Variants in PLXNA3 observed in about 807,000 individuals in gnomAD.
PLXNA3 encodes plexin A3, also known as plexin-A3.
Under a neutral mutation model 118.8 loss-of-function variants are expected in PLXNA3, and 52 were observed. The observed-to-expected ratio is 0.44, with a 90% CI of 0.35 to 0.55. The LOEUF (loss-of-function observed/expected upper bound fraction) is 0.55, where lower values mean the gene tolerates loss of function less well. PLXNA3 is among the 20% of genes least tolerant of loss of function. PLXNA3 has a pLI of 0.01. For synonymous variants in PLXNA3, 925 were observed against 762.4 expected (o/e 1.21, Z -3.51); for missense variants, 1,660 against 1,730.8 (o/e 0.96, Z 0.73).
rs782111549 is a variant in PLXNA3, at chrX:154,464,279, C to T, written c.1794C>T (p.Ser598=). The change falls in exon 8 of 33, where the codon TCC becomes TCT. Residue 598 remains serine, a synonymous_variant. Transcript: ENST00000369682. ...PSGELLCPSP[S]LQELRALTRG... ...GTGAACTGCTCTGCCCCTCACCCTC[C>T]CTCCAGGAGCTCCGAGCTCTTACCA... 1.6e-5 allele frequency: 19 copies of T among 1,208,401 alleles called. No homozygotes were observed. In the South Asian group the frequency reaches 3.3e-4, roughly 21 times the overall value.
chrX:154,458,327 C>CGCGGGGCGAGGCCGTGGGGACGTGCGA lies in PLXNA3; in HGVS notation c.-121_-95dup, dbSNP rs1458082034. 4.6e-5 allele frequency: 5 copies of CGCGGGGCGAGGCCGTGGGGACGTGCGA among 109,152 alleles called. No homozygotes were observed. The highest frequency in any genetic ancestry group is 1.3e-4 in the African/African-American group (4 of 30,281). The allele number at this position is 109,152 out of a possible 1,213,427, so 9.0% of individuals were successfully genotyped here. A position where few individuals can be genotyped will look rare whatever the true frequency, so the allele number is the denominator to read the frequency against. On this transcript the variant is annotated 5_prime_UTR_variant, in exon 1 of 33. Coordinates refer to ENST00000369682, the MANE Select transcript of PLXNA3 (RefSeq NM_017514.5). ...GCGGCTGCGCGCTTGGGGCCCGGGGCGCGGGGCGAGGCCGTGGGGACGTGC... is the reference window on the plus strand; with the variant it reads ...GCGGCTGCGCGCTTGGGGCCCGGGGCGCGGGGCGAGGCCGTGGGGACGTGCGAGCGGGGCGAGGCCGTGGGGACGTGC...
rs371637463 is a variant in PLXNA3 at position 154,460,338 on chromosome X, G to A, written c.155G>A (p.Arg52Gln). The A allele has an allele frequency of 8.3e-6, 10 of 1,209,349 alleles. No individual in the cohort carries two copies. The highest frequency in any genetic ancestry group is 2.3e-4 in the Middle Eastern group (1 of 4,282). Residue 52 changes from arginine (R) to glutamine (Q), a missense_variant, in exon 2 of 33, where the codon CGA becomes CAA. Around this residue, in one of 2 missense-constraint regions of PLXNA3, gnomAD observed 791 missense variants for 652.1 expected, o/e 1.21. Transcript: ENST00000369682. Reference protein sequence around the residue: ...TGEVFVGAVNRVFKLAPNLTE... With the variant: ...TGEVFVGAVNQVFKLAPNLTE... Reference sequence around the variant, plus strand: ...GAGGTGTTCGTGGGCGCAGTGAACCGAGTCTTTAAGCTGGCCCCCAACCTG... The same window carrying A: ...GAGGTGTTCGTGGGCGCAGTGAACCAAGTCTTTAAGCTGGCCCCCAACCTG...
At position 154,465,681 on chromosome X, in the gene PLXNA3, A is replaced by G; in HGVS notation, c.2366A>G (p.Gln789Arg). 8.3e-7 allele frequency: 1 copy of G among 1,209,277 alleles called. No individual in the cohort carries two copies. Among genetic ancestry groups the G allele is most frequent in the Non-Finnish European group, 1.1e-6 (1 of 894,140 alleles). Residue 789 changes from glutamine to arginine, a missense_variant, in exon 13 of 33, where the codon CAG (glutamine) becomes CGG (arginine). Physicochemically the swap from Gln to Arg is conservative, Grantham distance 43. Around this residue, in one of 2 missense-constraint regions of PLXNA3, gnomAD observed 869 missense variants for 1,078.7 expected, o/e 0.81. Coordinates refer to ENST00000369682, the MANE Select transcript of PLXNA3 (RefSeq NM_017514.5). Reference sequence around the variant, plus strand: ...GCCCTCCTGTACAAGTGCTGGGCGCAGCGGCCCAGCTGTGGCCTCTGCCTC... The same window carrying G: ...GCCCTCCTGTACAAGTGCTGGGCGCGGCGGCCCAGCTGTGGCCTCTGCCTC... ...FRALLYKCWA[Q>R]RPSCGLCLKA...
At position 154,464,835 on chromosome X, in the gene PLXNA3, C is replaced by T. The variant is rs1557206401; in HGVS notation, c.2010C>T (p.Cys670=). The change falls in exon 10 of 33, where the codon TGC becomes TGT. Residue 670 remains cysteine (C), a synonymous_variant. Coordinates refer to ENST00000369682, the MANE Select transcript of PLXNA3 (RefSeq NM_017514.5). ...RHTCTSRPHE[C]SFQEGRVHSP... ...CGTGTACCAGCCGCCCCCACGAGTGCTCCTTCCAGGAGGGCAGGGTCCACA... is the reference window on the plus strand; with the variant it reads ...CGTGTACCAGCCGCCCCCACGAGTGTTCCTTCCAGGAGGGCAGGGTCCACA... The T allele has an allele frequency of 8.3e-7, 1 of 1,206,645 alleles. No individual in the cohort carries two copies.
rs781963771 is a variant in PLXNA3 at position 154,470,538 on chromosome X, G to A, written c.5083G>A (p.Asp1695Asn). 14 of 1,211,402 alleles carry A rather than the reference G, an allele frequency of 1.2e-5. No homozygotes were observed. Among genetic ancestry groups the A allele is most frequent in the East Asian group, 5.9e-5 (2 of 33,873 alleles). The change falls in exon 30 of 33, where the codon GAC becomes AAC. Residue 1695 changes from aspartate (D) to asparagine (N), a missense_variant. Physicochemically the swap from Asp to Asn is conservative, Grantham distance 23. Coordinates refer to ENST00000369682, the MANE Select transcript of PLXNA3 (RefSeq NM_017514.5). ...ALPLAIKYMF[D>N]FLDEQADQRQ... ...GCCCCTGGCCATCAAGTACATGTTC[G>A]ACTTCCTGGATGAGCAGGCGGACCA...
intron 4 of PLXNA3, 39 bp downstream of exon 4, chrX:154,462,349 G>A: frequency 9.8e-7 from 1 of 1,016,589 alleles, no homozygotes; most frequent in Non-Finnish European, 1.3e-6. Flanking sequence ...GGTGGGGACA[G>A]TCTCAGATAT....
At chrX:154,469,294 C>T in intron 26 of PLXNA3, 79 bp downstream of exon 26, 1 of 1,151,676 alleles carries the variant, frequency 8.7e-7, no homozygotes, top group Non-Finnish European at 1.2e-6. Flanking sequence ...CTCCCGCTCC[C>T]CACCTGAACC....
rs35285799 is a variant in PLXNA3 at position 154,461,553 on chromosome X, G to A, written c.1049G>A (p.Arg350Gln). The A allele has an allele frequency of 0.047, 56,994 of 1,208,480 alleles. 1,037 individuals carry two copies. The highest frequency in any genetic ancestry group is 0.057 in the Non-Finnish European group (50,754 of 894,883). Residue 350 changes from arginine to glutamine, a missense_variant, in exon 3 of 33, where the codon CGG (arginine) becomes CAG (glutamine). This residue lies in a region of PLXNA3 where 791 missense variants were observed against 652.1 expected (regional missense o/e 1.21). Coordinates refer to ENST00000369682, the MANE Select transcript of PLXNA3 (RefSeq NM_017514.5). ...CTCAGCAACATCAATGCCCACATCC[G>A]GCGCCGCATCCAGTCCTGCTATCGT... ...FTLSNINAHI[R>Q]RRIQSCYRGE...
At position 154,477,692 on chromosome X, in the gene PLXNA3, A is replaced by T. The variant is rs1444452713; in HGVS notation, c.*5007A>T. 4.0e-6 allele frequency: 1 copy of T among 252,624 alleles called. No individual in the cohort carries two copies. The highest frequency in any genetic ancestry group is 6.9e-6 in the Non-Finnish European group (1 of 144,775). The allele number at this position is 252,624 out of a possible 1,213,427, so 20.8% of individuals were successfully genotyped here. A position where few individuals can be genotyped will look rare whatever the true frequency, so the allele number is the denominator to read the frequency against. ...TTCCTTGTACTCCTTGAATATCTGA[A>T]TTCTAGAACCCCCCCCCCAGCAACC... On this transcript the variant is annotated 3_prime_UTR_variant, in exon 33 of 33. Transcript: ENST00000369682.
chrX:154,472,309 G>T (rs1369969972), intron 32 of PLXNA3, among the ~76,000 whole-genome samples: 1 of 110,920 alleles, frequency 9.0e-6, no homozygotes, highest in African/African-American at 3.3e-5. Flanking sequence ...GGAGGCTTGG[G>T]CTAGGAGGTA....
Position 154,473,102 on chromosome X carries a change from C to G in PLXNA3, c.*417C>G, listed in dbSNP as rs1281472772. On this transcript the variant is annotated 3_prime_UTR_variant, in exon 33 of 33. Coordinates refer to ENST00000369682, the MANE Select transcript of PLXNA3 (RefSeq NM_017514.5). ...CTTGAGCTGTCCTGGGCCCTGCCAC[C>G]CGTCTGGGCTCCTTTGTGTAGCATT... is the stretch of plus-strand genomic sequence containing the variant. The G allele has an allele frequency of 8.3e-6, 1 of 120,087 alleles. No homozygotes were observed. Among genetic ancestry groups the G allele is most frequent in the Admixed American group, 8.5e-5 (1 of 11,714 alleles). 9.9% of individuals were successfully genotyped at this position (120,087 alleles called of 1,213,427 possible). A position where few individuals can be genotyped will look rare whatever the true frequency, so the allele number is the denominator to read the frequency against.
At position 154,460,592 on chromosome X, in the gene PLXNA3, C is replaced by G; in HGVS notation, c.409C>G (p.Arg137Gly). The change falls in exon 2 of 33, where the codon CGC (arginine) becomes GGC (glycine). Residue 137 changes from arginine to glycine, a missense_variant. Transcript: ENST00000369682. ...DLFKLGEPHH[R>G]KEHYLSGAQE... ...CTTCAAGCTGGGTGAGCCGCACCAC[C>G]GCAAGGAGCACTACCTGTCGGGGGC... 1 of 1,203,641 alleles carries G rather than the reference C, an allele frequency of 8.3e-7. No individual in the cohort carries two copies. The highest frequency in any genetic ancestry group is 1.8e-5 in the South Asian group (1 of 55,864).
rs1488265224 is a variant in PLXNA3, at chrX:154,475,851, A to G, written c.*3166A>G. 1 of 112,506 alleles carries G rather than the reference A, an allele frequency of 8.9e-6. No individual in the cohort carries two copies. The highest frequency in any genetic ancestry group is 3.2e-5 in the African/African-American group (1 of 30,932). 9.3% of individuals were successfully genotyped at this position (112,506 alleles called of 1,213,427 possible). The stretch of plus-strand genomic sequence containing the variant: ...ATGGATGGAATCTACCAGAAGCATC[A>G]TGAGAGGAAGAGGAAGGGAAACAGA... On this transcript the variant is annotated 3_prime_UTR_variant, in exon 33 of 33. Transcript: ENST00000369682.
chrX:154,466,317 C>T (rs782083614), intron 15 of PLXNA3, 47 bp downstream of exon 15: 3 of 1,209,764 alleles, frequency 2.5e-6, no homozygotes, highest in Non-Finnish European at 3.4e-6. Context: ...CTCTCTCCCG[C>T]AAGGGGCGTG....
chrX:154,472,034 A>C (rs1227244807), intron 32 of PLXNA3, among the ~76,000 whole-genome samples: 2 of 111,811 alleles, frequency 1.8e-5, no homozygotes, highest in African/African-American at 6.5e-5. Flanking sequence ...GGGAAGCCAC[A>C]AGTGGGTGTG....
chrX:154,461,771 T>A (rs782318639), intron 3 of PLXNA3, 133 bp downstream of exon 3: 5 of 616,029 alleles, frequency 8.1e-6, no homozygotes, highest in South Asian at 5.7e-5. Context: ...CCCTCCCACC[T>A]GTTTCTCCCT....
At position 154,461,172 on chromosome X, in the gene PLXNA3, A is replaced by G. The variant is rs2068948352; in HGVS notation, c.668A>G (p.Asp223Gly). The G allele has an allele frequency of 8.3e-7, 1 of 1,208,745 alleles. No homozygotes were observed. The highest frequency in any genetic ancestry group is 1.8e-5 in the South Asian group (1 of 56,894). The change falls in exon 3 of 33, where the codon GAC becomes GGC. Residue 223 changes from aspartate to glycine, a missense_variant. Asp to Gly is a moderately conservative substitution (Grantham distance 94, BLOSUM62 -1). Around this residue, in one of 2 missense-constraint regions of PLXNA3, gnomAD observed 791 missense variants for 652.1 expected, o/e 1.21. Coordinates refer to ENST00000369682, the MANE Select transcript of PLXNA3 (RefSeq NM_017514.5). ...SDTLSLYPAF[D>G]IYYIYGFVSA... is the part of the protein sequence containing the mutation. Reference sequence around the variant, plus strand: ...ACGCTGTCCTTGTACCCTGCCTTTGACATCTACTACATCTACGGCTTCGTC... The same window carrying G: ...ACGCTGTCCTTGTACCCTGCCTTTGGCATCTACTACATCTACGGCTTCGTC...
chrX:154,465,645 C>G lies in PLXNA3; in HGVS notation c.2342-12C>G, dbSNP rs1557206709. Reference sequence around the variant, plus strand: ...CTGCCTGCTCCGTCAGCAGTGCCTTCTGTGCCTGCAGCCCTCCTGTACAAG... The same window carrying G: ...CTGCCTGCTCCGTCAGCAGTGCCTTGTGTGCCTGCAGCCCTCCTGTACAAG... On this transcript the variant is annotated splice_polypyrimidine_tract_variant and intron_variant, in intron 12 of 32. Transcript: ENST00000369682. The G allele has an allele frequency of 8.3e-7, 1 of 1,205,470 alleles. No individual in the cohort carries two copies. Among genetic ancestry groups the G allele is most frequent in the Non-Finnish European group, 1.1e-6 (1 of 891,772 alleles).
rs2069167426 is a variant in PLXNA3, at chrX:154,470,446, C to T, written c.4991C>T (p.Thr1664Ile). ...YLTRLLATKG[T>I]LQKFVDDLFE... Reference sequence around the variant, plus strand: ...TGACCTCTCTGCCCCACACAGGGCACACTGCAGAAGTTCGTGGATGACCTC... The same window carrying T: ...TGACCTCTCTGCCCCACACAGGGCATACTGCAGAAGTTCGTGGATGACCTC... The change falls in exon 30 of 33, where the codon ACA becomes ATA. Residue 1664 changes from threonine to isoleucine, a missense_variant. Transcript: ENST00000369682. The T allele has an allele frequency of 8.3e-7, 1 of 1,209,320 alleles. No individual in the cohort carries two copies. Among genetic ancestry groups the T allele is most frequent in the East Asian group, 3.0e-5 (1 of 33,875 alleles).
Sources: allele counts gnomAD v4.1 joint callset (sites outside exome capture counted in the v4.1 genomes callset), GRCh38; gene constraint gnomAD v4.1.1; regional missense constraint gnomAD v4.1.1; transcripts MANE v1.5; gene names NCBI Gene and HGNC (gene_info 2026-07-23, HGNC 2026-07-21).